The following PCDHGA4 variants were observed in gnomAD, a reference collection of about 807,000 sequenced individuals.
PCDHGA4 encodes protocadherin gamma-A4.
In PCDHGA4, 38 loss-of-function variants were observed where a neutral mutation model predicts 54.6. That is an observed-to-expected ratio of 0.70 (90% CI 0.54 to 0.91). PCDHGA4 has a LOEUF of 0.91. Among genes scored for constraint, PCDHGA4 ranks in the 40% least tolerant of loss-of-function variants. The probability of loss-of-function intolerance (pLI) is 0.00; values close to 1 mark genes in which losing one functional copy is unlikely to be tolerated. For missense variants in PCDHGA4, 1,298 were observed against 1,220.9 expected, an observed-to-expected ratio of 1.06 and a Z score of -0.94; for synonymous variants, 511 against 512.9, an observed-to-expected ratio of 1.00 and a Z score of 0.05.
chr5:141,413,762 C>T (rs538764130), intron 1 of PCDHGA4: 3 of 1,612,894 alleles, frequency 1.9e-6, no homozygotes, highest in Admixed American at 1.7e-5. Flanking sequence ...GTCAAGTACC[C>T]GGAGCTGGTA....
At chr5:141,422,888 T>C in intron 1 of PCDHGA4, 2 of 1,614,262 alleles carry the variant, frequency 1.2e-6, no homozygotes, top group South Asian at 2.2e-5. Flanking sequence ...CTGTTCGTGC[T>C]GGACCAGAAC....
chr5:141,393,902 G>A, intron 1 of PCDHGA4: 2 of 1,613,968 alleles, frequency 1.2e-6, no homozygotes, highest in Non-Finnish European at 8.5e-7. Context: ...CTCTTCCCGG[G>A]ACAGTAATTG....
chr5:141,355,206 G>T lies in PCDHGA4; in HGVS notation c.99G>T (p.Ala33=), dbSNP rs377415037. ...GACTCCGCGGCGGGGTTGTAATGGCGGCGCCTCCTGCTCGCCCAGACCACA... is the reference window on the plus strand; with the variant it reads ...GACTCCGCGGCGGGGTTGTAATGGCTGCGCCTCCTGCTCGCCCAGACCACA... ...HRRLRGGVVM[A]APPARPDHTR... The change falls in exon 1 of 4, where the codon GCG becomes GCT. Residue 33 remains alanine, a synonymous_variant. Coordinates refer to ENST00000571252, the MANE Select transcript of PCDHGA4 (RefSeq NM_018917.4). The T allele has an allele frequency of 2.4e-5, 39 of 1,598,352 alleles. 1 individual carries two copies. The highest frequency in any genetic ancestry group is 3.2e-5 in the Non-Finnish European group (37 of 1,171,044).
Position 141,485,778 on chromosome 5 carries a change from G to T in PCDHGA4, c.2515-9029G>T. The T allele has an allele frequency of 6.2e-7, 1 of 1,614,216 alleles. No individual in the cohort carries two copies. Among genetic ancestry groups the T allele is most frequent in the Admixed American group, 1.7e-5 (1 of 60,028 alleles). ...CTGCTCCTGGAGAAGCCTTTGGATC[G>T]AGAGAAGCAATCGGACTACCGCCTG... is the stretch of plus-strand genomic sequence containing the variant. On this transcript the variant is annotated intron_variant, in intron 1 of 3. Coordinates refer to ENST00000571252, the MANE Select transcript of PCDHGA4 (RefSeq NM_018917.4). The surrounding 1 kb of genome is among the most constrained non-coding windows in gnomAD (Gnocchi z 5.7).
intron 1 of PCDHGA4, among the ~76,000 whole-genome samples, chr5:141,363,259 A>G (rs1181731683): frequency 6.6e-6 from 1 of 152,244 alleles, no homozygotes; most frequent in Non-Finnish European, 1.5e-5. Context: ...AATATTACTT[A>G]AAACTTTGCT....
chr5:141,404,004 C>T (rs1219625288), intron 1 of PCDHGA4: 3 of 1,613,842 alleles, frequency 1.9e-6, no homozygotes, highest in Non-Finnish European at 2.5e-6. Flanking sequence ...ACCATTACAT[C>T]TCTGTTTAGC....
Position 141,476,383 on chromosome 5 carries a change from C to T in PCDHGA4, c.2515-18424C>T, listed in dbSNP as rs547854431. The T allele has an allele frequency of 6.2e-7, 1 of 1,613,984 alleles. No homozygotes were observed. The highest frequency in any genetic ancestry group is 8.5e-7 in the Non-Finnish European group (1 of 1,180,044). On this transcript the variant is annotated intron_variant, in intron 1 of 3. Coordinates refer to ENST00000571252, the MANE Select transcript of PCDHGA4 (RefSeq NM_018917.4). This position sits in a 1 kb window ranked among gnomAD's most constrained non-coding sequence, Gnocchi z 7.6. ...GGGAGACCGGAGAGATGTTTGTGAA[C>T]GACCGTCTGGATCGAGAGGAGCTGT...
At chr5:141,401,570 C>T (rs192915698) in intron 1 of PCDHGA4, among the ~76,000 whole-genome samples, 2 of 152,290 alleles carry the variant, frequency 1.3e-5, no homozygotes, top group Admixed American at 1.3e-4. Context: ...ATTTCTCTTG[C>T]TCGGAATCCT....
intron 1 of PCDHGA4, chr5:141,430,555 TC>T (rs1232264614): frequency 9.7e-6 from 4 of 411,788 alleles, no homozygotes; most frequent in Non-Finnish European, 1.3e-5. Flanking sequence ...TGTTCACCAA[TC>T]GGGGAGAGAA....
At chr5:141,449,000 T>G (rs1424736421) in intron 1 of PCDHGA4, among the ~76,000 whole-genome samples, 1 of 151,774 alleles carries the variant, frequency 6.6e-6, no homozygotes, top group African/African-American at 2.4e-5. Context: ...TAGAAAGCTG[T>G]TTTTTTTAAC....
At chr5:141,421,185 C>T in intron 1 of PCDHGA4, 1 of 1,463,494 alleles carries the variant, frequency 6.8e-7, no homozygotes, top group Non-Finnish European at 9.1e-7. Flanking sequence ...GATTCACAAC[C>T]AACCAGCTCG....
chr5:141,431,022 G>A lies in PCDHGA4; in HGVS notation c.2515-63785G>A. ...CGCAGCGGCAGCTTGGTCACGGCGG[G>A]CAGGATAGACCGGGAGGAGCTCTGT... On this transcript the variant is annotated intron_variant, in intron 1 of 3. Transcript: ENST00000571252. This position sits in a 1 kb window ranked among gnomAD's most constrained non-coding sequence, Gnocchi z 4.8. 1 of 1,614,078 alleles carries A rather than the reference G, an allele frequency of 6.2e-7. No individual in the cohort carries two copies. Among genetic ancestry groups the A allele is most frequent in the African/African-American group, 1.3e-5 (1 of 75,074 alleles).
rs780671252 is a variant in PCDHGA4, at chr5:141,398,519, C to G, written c.2514+40898C>G. 3.1e-6 allele frequency: 5 copies of G among 1,595,048 alleles called. No homozygotes were observed. The Admixed American group carries it at 6.8e-5, about 22-fold the overall frequency. On this transcript the variant is annotated intron_variant, in intron 1 of 3. Coordinates refer to ENST00000571252, the MANE Select transcript of PCDHGA4 (RefSeq NM_018917.4). ...ATCGAGGACATTAATGACCACACGC[C>G]AAAATTCACGCAAAATTCCTTTGAG...
intron 1 of PCDHGA4, among the ~76,000 whole-genome samples, chr5:141,402,436 A>G (rs1441746239): frequency 2.6e-5 from 4 of 152,178 alleles, no homozygotes; most frequent in African/African-American, 9.6e-5. Flanking sequence ...GCATCATAAA[A>G]AGGAAATTAT....
rs1596259997 is a variant in PCDHGA4, at chr5:141,509,990, A to G, written c.2663-957A>G. Among the ~76,000 whole-genome samples the G allele has an allele frequency of 2.6e-5, 4 of 152,266 alleles. No individual in the cohort carries two copies. The South Asian group carries it at 8.3e-4, about 32-fold the overall frequency. ...GGTCCTTCTAACACTTGGTTCCCTC[A>G]TCTGTAAAATGAGGGTCATACCACA... is the stretch of plus-strand genomic sequence containing the variant. On this transcript the variant is annotated intron_variant, in intron 3 of 3. Transcript: ENST00000571252.
Position 141,383,923 on chromosome 5 carries a change from G to T in PCDHGA4, c.2514+26302G>T, listed in dbSNP as rs201582947. On this transcript the variant is annotated intron_variant, in intron 1 of 3. Coordinates refer to ENST00000571252, the MANE Select transcript of PCDHGA4 (RefSeq NM_018917.4). ...ACTGATCACAGTTTTAGATGTAAAT[G>T]ATAATGCTCCAGAAGTGACTATGAC... 169 of 1,613,826 alleles carry T rather than the reference G, an allele frequency of 1.0e-4. No homozygotes were observed. Among genetic ancestry groups the T allele is most frequent in the Non-Finnish European group, 1.3e-4 (156 of 1,179,886 alleles).
At chr5:141,387,629 G>T (rs1361387129) in intron 1 of PCDHGA4, 7 of 579,598 alleles carry the variant, frequency 1.2e-5, no homozygotes, top group African/African-American at 3.7e-5. Context: ...CTGACTCTGG[G>T]CGCCGCTGTT....
At chr5:141,434,497 G>A (rs986672351) in intron 1 of PCDHGA4, among the ~76,000 whole-genome samples, 2 of 152,214 alleles carry the variant, frequency 1.3e-5, no homozygotes, top group African/African-American at 4.8e-5. Context: ...CCCGCCCAGG[G>A]CAGAAAACTG....
At chr5:141,418,535 G>GC in intron 1 of PCDHGA4, 1 of 1,614,002 alleles carries the variant, frequency 6.2e-7, no homozygotes, top group Non-Finnish European at 8.5e-7. Context: ...AAGCGGTACT[G>GC]CTCAGATAAG....
Sources: gnomAD v4.1 joint callset for allele counts (sites outside exome capture counted in the v4.1 genomes callset) on GRCh38, gnomAD v4.1.1 for gene constraint, Gnocchi (gnomAD v3.1) non-coding constraint, MANE v1.5 for transcripts, NCBI Gene and HGNC (gene_info 2026-07-23, HGNC 2026-07-21) for gene names.